Variants in BAZ2B observed in about 807,000 individuals in gnomAD.
BAZ2B encodes bromodomain adjacent to zinc finger domain 2B.
Under a neutral mutation model 246.0 loss-of-function variants are expected in BAZ2B, and 91 were observed. The observed-to-expected ratio is 0.37, with a 90% CI of 0.31 to 0.44. The LOEUF is 0.44. Ranked by LOEUF, BAZ2B falls within the 20% of genes least tolerant of loss-of-function variation. The probability of loss-of-function intolerance (pLI) is 1.00; values close to 1 mark genes in which losing one functional copy is unlikely to be tolerated. For missense variants in BAZ2B, 2,332 were observed against 2,533.7 expected, an observed-to-expected ratio of 0.92 and a Z score of 1.71; for synonymous variants, 855 against 860.0, an observed-to-expected ratio of 0.99 and a Z score of 0.10.
At chr2:159,397,420 T>A in intron 18 of BAZ2B, 31 bp from the exon 19 acceptor site, 2 of 1,402,112 alleles carry the variant, frequency 1.4e-6, no homozygotes, top group South Asian at 1.3e-5. Flanking sequence ...AATACGTGAT[T>A]TTTAGAGAAG....
At chr2:159,406,823 C>G (rs1462186991) in intron 14 of BAZ2B, among the ~76,000 whole-genome samples, 1 of 151,836 alleles carries the variant, frequency 6.6e-6, no homozygotes, top group African/African-American at 2.4e-5. Flanking sequence ...GGCGTGATCT[C>G]GGCTCACTGC....
At chr2:159,679,134 T>C in the BAZ2B span, among the ~76,000 whole-genome samples, 1 of 152,118 alleles carries the variant, frequency 6.6e-6, no homozygotes, top group African/African-American at 2.4e-5. Flanking sequence ...TAGCCTGCTG[T>C]GGTGGCGGGC....
chr2:159,446,909 G>A lies in BAZ2B; in HGVS notation c.569C>T (p.Ser190Phe). ...SVIGINTSVLSTTASSSMGQT... is the reference protein window; with the variant it reads ...SVIGINTSVLFTTASSSMGQT... ...TCCCATGGAACTTGAAGCAGTAGTGGATAGTACAGATGTGTTGATACCAAT... is the reference window on the plus strand; with the variant it reads ...TCCCATGGAACTTGAAGCAGTAGTGAATAGTACAGATGTGTTGATACCAAT... Residue 190 changes from serine to phenylalanine, a missense_variant, in exon 6 of 37, where the codon TCC (serine) becomes TTC (phenylalanine). Ser to Phe is a radical substitution (Grantham distance 155). This residue lies in a region of BAZ2B where 242 missense variants were observed against 237.4 expected (regional missense o/e 1.02). Transcript: ENST00000392783. 4 of 1,613,418 alleles carry A rather than the reference G, an allele frequency of 2.5e-6. No individual in the cohort carries two copies. The highest frequency in any genetic ancestry group is 3.4e-6 in the Non-Finnish European group (4 of 1,179,710).
chr2:159,364,387 G>A (rs1308712958), intron 27 of BAZ2B, among the ~76,000 whole-genome samples: 1 of 152,132 alleles, frequency 6.6e-6, no homozygotes, highest in African/African-American at 2.4e-5. Context: ...AAGTCCACAT[G>A]TCAGTTGGAC....
chr2:159,638,853 G>A, the BAZ2B span, among the ~76,000 whole-genome samples: 1 of 151,972 alleles, frequency 6.6e-6, no homozygotes, highest in Non-Finnish European at 1.5e-5. Flanking sequence ...GGGATATAAA[G>A]AAATTCCCAA....
At chr2:159,641,239 T>C in the BAZ2B span, among the ~76,000 whole-genome samples, 4 of 152,320 alleles carry the variant, frequency 2.6e-5, no homozygotes, top group Non-Finnish European at 5.9e-5. Flanking sequence ...CTGTTATTTT[T>C]TGACTTTTTA....
the BAZ2B span, among the ~76,000 whole-genome samples, chr2:159,635,169 A>G: frequency 6.6e-6 from 1 of 152,172 alleles, no homozygotes; most frequent in African/African-American, 2.4e-5. Context: ...CTATCTACTC[A>G]GGAAAGGGAA....
the BAZ2B span, chr2:159,694,022 G>C: frequency 6.6e-6 from 1 of 152,094 alleles, no homozygotes; most frequent in Non-Finnish European, 1.5e-5. Context: ...ATTCACGTGT[G>C]GAAGTCCTAA....
intron 1 of BAZ2B, among the ~76,000 whole-genome samples, chr2:159,577,167 G>A (rs532993127): frequency 9.9e-5 from 15 of 152,230 alleles, no homozygotes; most frequent in African/African-American, 3.4e-4. Flanking sequence ...GGTCAAGGCT[G>A]CAGTGAGCCA....
At chr2:159,689,565 G>T in the BAZ2B span, 10 of 230,658 alleles carry the variant, frequency 4.3e-5, no homozygotes, top group Non-Finnish European at 6.7e-5. Context: ...GTAGAGATGG[G>T]GTTTCACCAT....
intron 1 of BAZ2B, among the ~76,000 whole-genome samples, chr2:159,607,830 A>G (rs1208285349): frequency 6.6e-6 from 1 of 152,194 alleles, no homozygotes; most frequent in Admixed American, 6.5e-5. Flanking sequence ...TTCCAATGAG[A>G]AGCCATCTCT....
intron 2 of BAZ2B, among the ~76,000 whole-genome samples, chr2:159,554,044 AC>A (rs377003028): frequency 2.0e-5 from 3 of 152,338 alleles, no homozygotes; most frequent in African/African-American, 7.2e-5. Context: ...CAAAAGCCTC[AC>A]AACAGTGTCA....
intron 16 of BAZ2B, 92 bp downstream of exon 16, chr2:159,404,757 G>C (rs377408457): frequency 9.3e-7 from 1 of 1,077,220 alleles, no homozygotes. Flanking sequence ...GTGAAATATA[G>C]TTATTTAAGA....
At chr2:159,411,021 T>C (rs1351585569) in intron 14 of BAZ2B, among the ~76,000 whole-genome samples, 1 of 152,174 alleles carries the variant, frequency 6.6e-6, no homozygotes, top group East Asian at 1.9e-4. Context: ...AATGAGAATG[T>C]CTTTTATTTA....
chr2:159,374,021 G>T (rs1035319186), intron 26 of BAZ2B, among the ~76,000 whole-genome samples: 1 of 150,520 alleles, frequency 6.6e-6, no homozygotes, highest in African/African-American at 2.4e-5. Context: ...CTTATAAAAA[G>T]CTCATCTTAA....
chr2:159,588,893 T>A (rs1688662862), intron 1 of BAZ2B, among the ~76,000 whole-genome samples: 2 of 152,146 alleles, frequency 1.3e-5, no homozygotes, highest in Non-Finnish European at 2.9e-5. Context: ...GGAACACATT[T>A]TATATAGTCA....
At chr2:159,355,478 C>T (rs1425148886) in intron 27 of BAZ2B, among the ~76,000 whole-genome samples, 4 of 152,100 alleles carry the variant, frequency 2.6e-5, no homozygotes, top group East Asian at 1.9e-4. Context: ...AAAACCATTA[C>T]CCTTAATGAA....
intron 4 of BAZ2B, among the ~76,000 whole-genome samples, chr2:159,449,137 G>T (rs1011120339): frequency 6.6e-6 from 1 of 152,098 alleles, no homozygotes; most frequent in Non-Finnish European, 1.5e-5. Flanking sequence ...GATATAAAAT[G>T]ACCAGTGGTA....
the BAZ2B span, among the ~76,000 whole-genome samples, chr2:159,646,150 C>T: frequency 6.6e-6 from 1 of 152,266 alleles, no homozygotes; most frequent in East Asian, 1.9e-4. Flanking sequence ...GACGGCCACA[C>T]CCAAGGGGGC....
Sources: gnomAD v4.1 joint callset for allele counts (sites outside exome capture counted in the v4.1 genomes callset) on GRCh38, gnomAD v4.1.1 for gene constraint, gnomAD v4.1.1 regional missense constraint, MANE v1.5 for transcripts, NCBI Gene and HGNC (gene_info 2026-07-23, HGNC 2026-07-21) for gene names.